ZNF433: variants seen among roughly 807,000 people sequenced by gnomAD.
ZNF433 encodes the protein zinc finger protein 433.
ZNF433 carries 12 observed loss-of-function variants against 10.6 expected under a neutral mutation model. The ratio of observed to expected loss-of-function variants is 1.13; its 90% CI spans 0.72 to 1.83. The LOEUF is 1.83. ZNF433 is among the 40% of genes most tolerant of loss of function. The pLI is 0.00. For synonymous variants in ZNF433, 272 were observed against 271.3 expected (o/e 1.00, Z -0.02); for missense variants, 737 against 798.0 (o/e 0.92, Z 0.92).
intron 1 of ZNF433, chr19:12,024,238 G>A (rs1235595740): frequency 6.6e-6 from 1 of 152,142 alleles, no homozygotes; most frequent in African/African-American, 2.4e-5. Flanking sequence ...ATAACCTATG[G>A]GGACATTACA....
At chr19:12,025,704 T>A (rs1041010086) in intron 1 of ZNF433, 5 of 152,216 alleles carry the variant, frequency 3.3e-5, no homozygotes, top group African/African-American at 1.2e-4. Context: ...CTTTTCTCAG[T>A]CTGACTGGGT....
chr19:12,014,856 C>G lies in ZNF433; in HGVS notation c.2002G>C (p.Asp668His), dbSNP rs190101419. The change falls in exon 4 of 4, where the codon GAC becomes CAC. Residue 668 changes from aspartate to histidine, a missense_variant. Physicochemically the swap from Asp to His is moderately conservative, Grantham distance 81 (BLOSUM62 -1). Coordinates refer to ENST00000550507, the MANE Select transcript of ZNF433 (RefSeq NM_001308348.2). The stretch of plus-strand genomic sequence containing the variant: ...CCTAAAGCCTGGGGTTATGGGGTGT[C>G]TATGCAGTGAGCCCTTCCATGCACT... ...LQVHGRAHCI[D>H]TP is the part of the protein sequence containing the mutation. 2.5e-6 allele frequency: 4 copies of G among 1,576,918 alleles called. No individual in the cohort carries two copies. Among genetic ancestry groups the G allele is most frequent in the Non-Finnish European group, 3.4e-6 (4 of 1,160,560 alleles).
chr19:12,030,544 G>A (rs1004803404), intron 1 of ZNF433, among the ~76,000 whole-genome samples: 5 of 152,056 alleles, frequency 3.3e-5, no homozygotes, highest in African/African-American at 9.7e-5. Context: ...TAAGTCACCC[G>A]GTTTATGGGA....
Position 12,015,689 on chromosome 19 carries a change from G to C in ZNF433, c.1169C>G (p.Pro390Arg). The stretch of plus-strand genomic sequence containing the variant: ...TTTACCACATTGGTTGCATTTATAG[G>C]GTTTCTCTCCAGTGTGAGTTTTTTC... ...THEKTHTGEK[P>R]YKCNQCGKAF... Residue 390 changes from proline (P) to arginine (R), a missense_variant, in exon 4 of 4, where the codon CCC becomes CGC. Transcript: ENST00000550507. 6.2e-7 allele frequency: 1 copy of C among 1,613,930 alleles called. No individual in the cohort carries two copies. The highest frequency in any genetic ancestry group is 8.5e-7 in the Non-Finnish European group (1 of 1,179,974).
intron 1 of ZNF433, among the ~76,000 whole-genome samples, chr19:12,029,509 A>G (rs1301957408): frequency 8.0e-6 from 1 of 125,676 alleles, no homozygotes; most frequent in African/African-American, 3.1e-5. Flanking sequence ...GTGACAGAGC[A>G]AGACTCTGTC....
At chr19:12,027,624 A>G (rs890005066) in intron 1 of ZNF433, among the ~76,000 whole-genome samples, 8 of 152,360 alleles carry the variant, frequency 5.3e-5, no homozygotes, top group Non-Finnish European at 7.3e-5. Flanking sequence ...TAGTTAATCT[A>G]TAATCTACAG....
Position 12,016,541 on chromosome 19 carries a change from T to TAC in ZNF433, c.315_316dup (p.Tyr106CysfsTer5). ...TGAATGAGCACTGCCTACTTCTCCA[T>TAC]ACACACTGCTTTCGCATGATTTTAC... is the stretch of plus-strand genomic sequence containing the variant. On this transcript the variant is annotated frameshift_variant, in exon 4 of 4. Transcript: ENST00000550507. LOFTEE classifies it low-confidence loss of function (END_TRUNC). 1.2e-6 allele frequency: 2 copies of TAC among 1,614,178 alleles called. No individual in the cohort carries two copies. The highest frequency in any genetic ancestry group is 2.2e-5 in the South Asian group (2 of 91,084).
At chr19:12,031,639 G>C (rs1465556321) in intron 1 of ZNF433, among the ~76,000 whole-genome samples, 1 of 152,058 alleles carries the variant, frequency 6.6e-6, no homozygotes, top group Non-Finnish European at 1.5e-5. Context: ...GTGAGACTCT[G>C]TCTAAAAAAT....
rs376612413 is a variant in ZNF433 at position 12,016,068 on chromosome 19, T to C, written c.790A>G (p.Thr264Ala). 1.8e-5 allele frequency: 29 copies of C among 1,613,990 alleles called. No individual in the cohort carries two copies. The African/African-American group carries it at 3.6e-4, about 20-fold the overall frequency. Reference protein sequence around the residue: ...NECGKAFHSSTCLHAHKRTHT... With the variant: ...NECGKAFHSSACLHAHKRTHT... ...GTTCTTTTATGAGCATGAAGGCATG[T>C]GGAACTATGGAATGCTTTCCCACAT... Residue 264 changes from threonine to alanine, a missense_variant, in exon 4 of 4, where the codon ACA (threonine) becomes GCA (alanine). Coordinates refer to ENST00000550507, the MANE Select transcript of ZNF433 (RefSeq NM_001308348.2).
At chr19:12,027,980 G>A (rs577504587) in intron 1 of ZNF433, 11 of 152,264 alleles carry the variant, frequency 7.2e-5, no homozygotes, top group Non-Finnish European at 1.5e-4. Flanking sequence ...AACCTGCTTA[G>A]CTGCTAAGAT....
In ZNF433 at chr19:12,015,445, T is replaced by A. The variant is rs200854846; in HGVS notation, c.1413A>T (p.Glu471Asp). Residue 471 changes from glutamate (E) to aspartate (D), a missense_variant, in exon 4 of 4, where the codon GAA becomes GAT. By Grantham distance (45) the Glu-to-Asp change is conservative. Transcript: ENST00000550507. The part of the protein sequence containing the change: ...FFQIHERMHR[E>D]EKPYECKGYG... ...AACCCTTACATTCATACGGCTTCTC[T>A]TCTCTGTGCATCCTTTCATGTATTT... 1.2e-6 allele frequency: 2 copies of A among 1,614,072 alleles called. No individual in the cohort carries two copies. The highest frequency in any genetic ancestry group is 1.7e-6 in the Non-Finnish European group (2 of 1,179,946).
rs760876090 is a variant in ZNF433 at position 12,015,985 on chromosome 19, G to A, written c.873C>T (p.Ser291=). Reference sequence around the variant, plus strand: ...TTCTTTCATGTATTTGAAAGGAATGGGAAGAGCTGAAGGCTTTCCCACACT... The same window carrying A: ...TTCTTTCATGTATTTGAAAGGAATGAGAAGAGCTGAAGGCTTTCCCACACT... ...CKQCGKAFSS[S]HSFQIHERTH... is the part of the protein sequence containing the mutation. The change falls in exon 4 of 4, where the codon TCC becomes TCT. Residue 291 remains serine, a synonymous_variant. Coordinates refer to ENST00000550507, the MANE Select transcript of ZNF433 (RefSeq NM_001308348.2). 1.9e-6 allele frequency: 3 copies of A among 1,613,808 alleles called. No individual in the cohort carries two copies. The highest frequency in any genetic ancestry group is 2.2e-5 in the East Asian group (1 of 44,870).
intron 1 of ZNF433, chr19:12,026,637 C>T (rs1287285519): frequency 4.5e-6 from 2 of 448,892 alleles, no homozygotes; most frequent in Non-Finnish European, 8.9e-6. Flanking sequence ...ATAATTGAGG[C>T]ATACTGCCCT....
In ZNF433 at chr19:12,015,565, G is replaced by T; in HGVS notation, c.1293C>A (p.Ala431=). ...TCCTACCATGTGTTTGAAGGAGTGA[G>T]GCAGATCTGAAGGCTTTCCCACATT... ...CKQCGKAFRS[A]SLLQTHGRTH... Residue 431 remains alanine, a synonymous_variant, in exon 4 of 4, where the codon GCC becomes GCA. Coordinates refer to ENST00000550507, the MANE Select transcript of ZNF433 (RefSeq NM_001308348.2). 1 of 1,613,770 alleles carries T rather than the reference G, an allele frequency of 6.2e-7. No individual in the cohort carries two copies. The highest frequency in any genetic ancestry group is 8.5e-7 in the Non-Finnish European group (1 of 1,179,952).
Position 12,016,240 on chromosome 19 carries a change from A to G in ZNF433, c.618T>C (p.Phe206=). The change falls in exon 4 of 4, where the codon TTT becomes TTC. Residue 206 remains phenylalanine (F), a synonymous_variant. Transcript: ENST00000550507. ...GTTTGTGGATAAGATACAAACTGAGAAACATCAAGGCTTTCCCACAAAATT... is the reference window on the plus strand; with the variant it reads ...GTTTGTGGATAAGATACAAACTGAGGAACATCAAGGCTTTCCCACAAAATT... ...KCKFCGKALM[F]LSLYLIHKRT... is the part of the protein sequence containing the mutation. The G allele has an allele frequency of 6.2e-7, 1 of 1,614,214 alleles. No homozygotes were observed. The highest frequency in any genetic ancestry group is 1.1e-5 in the South Asian group (1 of 91,080).
intron 1 of ZNF433, chr19:12,028,027 T>G (rs1974823264): frequency 6.6e-6 from 1 of 152,262 alleles, no homozygotes; most frequent in Admixed American, 6.5e-5. Context: ...TATACTCTTT[T>G]ATCTTTTTTT....
rs1568330631 is a variant in ZNF433, at chr19:12,016,637, T to C, written c.221A>G (p.Lys74Arg). ...AATTTCTCCATGCTGATGACCTTCTTTACTTTCAAAGAGTCTCTCTCCCAC... is the reference window on the plus strand; with the variant it reads ...AATTTCTCCATGCTGATGACCTTCTCTACTTTCAAAGAGTCTCTCTCCCAC... ...RIVGERLFESKEGHQHGEILT... is the reference protein window; with the variant it reads ...RIVGERLFESREGHQHGEILT... The change falls in exon 4 of 4, where the codon AAA becomes AGA. Residue 74 changes from lysine to arginine, a missense_variant. Transcript: ENST00000550507. 1 of 1,614,122 alleles carries C rather than the reference T, an allele frequency of 6.2e-7. No homozygotes were observed. Among genetic ancestry groups the C allele is most frequent in the Non-Finnish European group, 8.5e-7 (1 of 1,180,012 alleles).
chr19:12,022,993 G>C (rs1304975918), intron 1 of ZNF433, among the ~76,000 whole-genome samples: 1 of 152,174 alleles, frequency 6.6e-6, no homozygotes, highest in Non-Finnish European at 1.5e-5. Flanking sequence ...ATAGAGGCTT[G>C]GCAGTTCCCT....
At chr19:12,021,885 T>G in intron 1 of ZNF433, 1 of 446,732 alleles carries the variant, frequency 2.2e-6, no homozygotes, top group Non-Finnish European at 4.6e-6. Context: ...GATAGGGGAC[T>G]GTGGGTGCAC....
Sources: allele counts gnomAD v4.1 joint callset (sites outside exome capture counted in the v4.1 genomes callset), GRCh38; gene constraint gnomAD v4.1.1; transcripts MANE v1.5; gene names NCBI Gene and HGNC (gene_info 2026-07-23, HGNC 2026-07-21).